COLGALT2: variants seen among roughly 807,000 people sequenced by gnomAD.
COLGALT2 encodes the protein procollagen galactosyltransferase 2.
Under a neutral mutation model 73.4 loss-of-function variants are expected in COLGALT2, and 49 were observed. The observed-to-expected ratio is 0.67, with a 90% CI of 0.53 to 0.85. The LOEUF (loss-of-function observed/expected upper bound fraction) is 0.85. Among genes scored for constraint, COLGALT2 ranks in the 40% least tolerant of loss-of-function variants. COLGALT2 has a pLI of 0.00. For missense variants in COLGALT2, 722 were observed against 790.2 expected (o/e 0.91, Z 1.03); for synonymous variants, 295 against 307.6 (o/e 0.96, Z 0.43).
intron 9 of COLGALT2, among the ~76,000 whole-genome samples, chr1:183,944,603 A>G (rs1454725236): frequency 6.6e-6 from 1 of 152,198 alleles, no homozygotes; most frequent in Non-Finnish European, 1.5e-5. Flanking sequence ...GGGAAAGTAC[A>G]AACAAAGGTA....
In COLGALT2 at chr1:184,022,298, T is replaced by C. The variant is rs529554944; in HGVS notation, c.263+14797A>G. 2.6e-5 allele frequency among the ~76,000 whole-genome samples: 4 copies of C among 152,326 alleles called. No individual in the cohort carries two copies. In the South Asian group the frequency reaches 8.3e-4, roughly 32 times the overall value. ...TAACTAAGGAGCCTGAAGAAAGTAT[T>C]AATTTCTTTTTAGTGACTCCTCTGG... On this transcript the variant is annotated intron_variant, in intron 1 of 11. Coordinates refer to ENST00000361927, the MANE Select transcript of COLGALT2 (RefSeq NM_015101.4).
At chr1:183,973,196 C>T (rs138924182) in intron 4 of COLGALT2, among the ~76,000 whole-genome samples, 1 of 152,088 alleles carries the variant, frequency 6.6e-6, no homozygotes, top group Non-Finnish European at 1.5e-5. Flanking sequence ...TTACTAAAAA[C>T]GTGCAAGTTT....
chr1:184,006,374 C>T (rs527722765), intron 1 of COLGALT2, among the ~76,000 whole-genome samples: 17 of 152,086 alleles, frequency 1.1e-4, no homozygotes, highest in East Asian at 1.9e-4. Flanking sequence ...CACCTGAGGT[C>T]GGGAGTTGAA....
downstream of COLGALT2, among the ~76,000 whole-genome samples, chr1:183,931,046 A>G (rs1669835378): frequency 6.6e-6 from 1 of 152,218 alleles, no homozygotes; most frequent in Admixed American, 6.5e-5. Flanking sequence ...TTTTCTTAAG[A>G]GTTTGAAGGC....
chr1:184,027,554 C>A (rs1649367847), intron 1 of COLGALT2, among the ~76,000 whole-genome samples: 1 of 152,162 alleles, frequency 6.6e-6, no homozygotes, highest in African/African-American at 2.4e-5. Context: ...GTTGGCAGAA[C>A]AATGGTAAGG....
intron 10 of COLGALT2, among the ~76,000 whole-genome samples, chr1:183,942,565 C>T (rs1049068472): frequency 6.6e-6 from 1 of 152,124 alleles, no homozygotes; most frequent in African/African-American, 2.4e-5. Flanking sequence ...ATGACTTGTT[C>T]TATTCTTCCC....
At chr1:183,953,667 T>C (rs1670473985) in intron 7 of COLGALT2, among the ~76,000 whole-genome samples, 1 of 152,078 alleles carries the variant, frequency 6.6e-6, no homozygotes, top group Non-Finnish European at 1.5e-5. Flanking sequence ...TGCAAATGAG[T>C]CTTATTCCTC....
At chr1:183,941,789 A>G (rs1670120292) in intron 10 of COLGALT2, among the ~76,000 whole-genome samples, 1 of 152,156 alleles carries the variant, frequency 6.6e-6, no homozygotes, top group Admixed American at 6.5e-5. Context: ...TGTCTCATCC[A>G]GTGGAAGGGA....
Position 183,937,127 on chromosome 1 carries a change from G to A in COLGALT2, c.*1634C>T. On this transcript the variant is annotated 3_prime_UTR_variant, in exon 12 of 12. Transcript: ENST00000361927. ...TCTTACACTCGTACACTAAGCTTGT[G>A]TATGTAGCACCACCCGCCTGTGGAC... 1 of 1,229,930 alleles carries A rather than the reference G, an allele frequency of 8.1e-7. No homozygotes were observed. Among genetic ancestry groups the A allele is most frequent in the Non-Finnish European group, 1.0e-6 (1 of 987,318 alleles). 76.2% of individuals were successfully genotyped at this position (1,229,930 alleles called of 1,614,324 possible).
At chr1:184,002,840 AT>A (rs1049860728) in intron 1 of COLGALT2, among the ~76,000 whole-genome samples, 2 of 152,274 alleles carry the variant, frequency 1.3e-5, no homozygotes, top group African/African-American at 2.4e-5. Flanking sequence ...TAAAATTCAC[AT>A]TTTTTTAACC....
chr1:183,945,222 C>T (rs1216269512), intron 9 of COLGALT2, among the ~76,000 whole-genome samples: 3 of 152,152 alleles, frequency 2.0e-5, no homozygotes, highest in South Asian at 2.1e-4. Context: ...GTGTCTCCCC[C>T]GTCACCACCC....
intron 1 of COLGALT2, among the ~76,000 whole-genome samples, chr1:184,017,266 G>T (rs569843522): frequency 6.6e-6 from 1 of 152,244 alleles, no homozygotes; most frequent in Admixed American, 6.5e-5. Flanking sequence ...ATATTAAATT[G>T]TATTCACTTC....
chr1:184,023,641 G>T (rs1353729440), intron 1 of COLGALT2, among the ~76,000 whole-genome samples: 4 of 65,146 alleles, frequency 6.1e-5, no homozygotes, highest in East Asian at 3.0e-4. Context: ...AAGTGCGTGA[G>T]GTGGGGGGGG....
Position 183,937,662 on chromosome 1 carries a change from C to G in COLGALT2, c.*1099G>C, listed in dbSNP as rs906297531. On this transcript the variant is annotated 3_prime_UTR_variant, in exon 12 of 12. Transcript: ENST00000361927. ...ATTCAGGAGAATCAGATTGCCGAAC[C>G]AATGTGTCCACACCCACCACTCCCC... The G allele has an allele frequency of 4.1e-6, 4 of 985,320 alleles. No homozygotes were observed. The highest frequency in any genetic ancestry group is 3.6e-6 in the Non-Finnish European group (3 of 829,960). 61.0% of individuals were successfully genotyped at this position (985,320 alleles called of 1,614,324 possible).
intron 8 of COLGALT2, among the ~76,000 whole-genome samples, chr1:183,950,392 T>C (rs150563908): frequency 9.3e-5 from 14 of 150,814 alleles, no homozygotes; most frequent in Non-Finnish European, 1.9e-4. Context: ...AACCAACATA[T>C]AACATGGAAA....
intron 1 of COLGALT2, among the ~76,000 whole-genome samples, chr1:184,016,444 C>T (rs1649001656): frequency 6.6e-6 from 1 of 152,284 alleles, no homozygotes; most frequent in African/African-American, 2.4e-5. Context: ...ATTCAGAAAG[C>T]ACTAACATAG....
chr1:184,031,959 C>T (rs1295215517), intron 1 of COLGALT2, among the ~76,000 whole-genome samples: 1 of 151,888 alleles, frequency 6.6e-6, no homozygotes, highest in Non-Finnish European at 1.5e-5. Flanking sequence ...CACAGTGGCT[C>T]AATCTCGGCT....
chr1:183,944,873 A>C (rs1163811739), intron 9 of COLGALT2, among the ~76,000 whole-genome samples: 1 of 152,232 alleles, frequency 6.6e-6, no homozygotes, highest in East Asian at 1.9e-4. Flanking sequence ...GGATCATTAA[A>C]AGAGAAAGTG....
chr1:183,975,278 G>T, intron 2 of COLGALT2, 64 bp from the exon 3 acceptor site: 1 of 917,302 alleles, frequency 1.1e-6, no homozygotes. Flanking sequence ...TGTCCTAAAT[G>T]TTTATATGTA....
Sources: allele counts gnomAD v4.1 joint callset (sites outside exome capture counted in the v4.1 genomes callset), GRCh38; gene constraint gnomAD v4.1.1; transcripts MANE v1.5; gene names NCBI Gene and HGNC (gene_info 2026-07-23, HGNC 2026-07-21).